FOCAD: variants seen among roughly 807,000 people sequenced by gnomAD.
FOCAD encodes KIAA1797.
Under a neutral mutation model 225.6 loss-of-function variants are expected in FOCAD, and 198 were observed. The observed-to-expected ratio is 0.88, with a 90% CI of 0.78 to 0.99. The LOEUF is 0.99. Ranked by LOEUF, FOCAD falls within the 50% of genes least tolerant of loss-of-function variation. FOCAD has a pLI of 0.00. For synonymous variants in FOCAD, 897 were observed against 755.0 expected (o/e 1.19, Z -3.08); for missense variants, 2,713 against 2,123.6 (o/e 1.28, Z -5.46).
chr9:20,789,715 G>A (rs1295727269), intron 11 of FOCAD, 107 bp downstream of exon 11: 2 of 1,356,848 alleles, frequency 1.5e-6, no homozygotes, highest in African/African-American at 1.5e-5. Context: ...TAAATTATGG[G>A]TTGATGATTT....
intron 15 of FOCAD, among the ~76,000 whole-genome samples, chr9:20,833,631 A>C (rs1448858100): frequency 6.6e-6 from 1 of 152,022 alleles, no homozygotes; most frequent in Non-Finnish European, 1.5e-5. Flanking sequence ...CATCTGCCTG[A>C]CCCAAGTAGT....
intron 9 of FOCAD, among the ~76,000 whole-genome samples, chr9:20,779,750 C>CA (rs35585761): frequency 0.016 from 2,060 of 128,254 alleles, 54 homozygotes; most frequent in Admixed American, 0.084. Flanking sequence ...AACTCCGTCT[C>CA]AAAAAAAAAA....
At chr9:20,964,230 G>A (rs140933822) in intron 35 of FOCAD, among the ~76,000 whole-genome samples, 1 of 152,044 alleles carries the variant, frequency 6.6e-6, no homozygotes, top group East Asian at 1.9e-4. Context: ...AGCCAGGTAT[G>A]GTGGTGCACA....
intron 21 of FOCAD, among the ~76,000 whole-genome samples, chr9:20,895,081 T>C (rs1039038352): frequency 9.2e-5 from 14 of 152,032 alleles, no homozygotes; most frequent in Non-Finnish European, 2.9e-5. Flanking sequence ...GTTGAGAAGA[T>C]TATCCTTTCT....
intron 5 of FOCAD, among the ~76,000 whole-genome samples, chr9:20,740,938 C>G (rs947387192): frequency 6.6e-6 from 1 of 152,084 alleles, no homozygotes; most frequent in South Asian, 2.1e-4. Flanking sequence ...GTGAAGGTGA[C>G]CTTACCTATT....
chr9:20,858,276 G>A (rs1828411076), intron 15 of FOCAD, among the ~76,000 whole-genome samples: 1 of 151,948 alleles, frequency 6.6e-6, no homozygotes, highest in Non-Finnish European at 1.5e-5. Context: ...ACTTTTTATT[G>A]GCCGATTAAG....
intron 35 of FOCAD, among the ~76,000 whole-genome samples, chr9:20,955,685 C>G (rs1258602805): frequency 6.6e-6 from 1 of 152,090 alleles, no homozygotes; most frequent in African/African-American, 2.4e-5. Context: ...TGCTCATCAT[C>G]TAATTCCTCC....
At chr9:20,726,489 T>C (rs551186721) in intron 4 of FOCAD, 1 of 152,324 alleles carries the variant, frequency 6.6e-6, no homozygotes, top group African/African-American at 2.4e-5. Flanking sequence ...ATGCCTTTTG[T>C]GCTCTCAGAC....
upstream of FOCAD, chr9:20,683,324 T>TC (rs1822463325): frequency 2.0e-5 from 3 of 152,216 alleles, no homozygotes; most frequent in South Asian, 6.2e-4. Context: ...TTTTATTTTT[T>TC]CCTAAGGGTG....
intron 11 of FOCAD, among the ~76,000 whole-genome samples, chr9:20,804,357 T>A (rs1314640870): frequency 6.6e-6 from 1 of 152,082 alleles, no homozygotes; most frequent in Non-Finnish European, 1.5e-5. Context: ...TTTTGGTGCC[T>A]GTTTTAAAGC....
At chr9:20,762,021 G>T (rs771460955) in intron 6 of FOCAD, among the ~76,000 whole-genome samples, 11 of 152,194 alleles carry the variant, frequency 7.2e-5, no homozygotes, top group Non-Finnish European at 1.5e-4. Flanking sequence ...CCTTAAGGAA[G>T]TTCAACGTTT....
intron 15 of FOCAD, among the ~76,000 whole-genome samples, chr9:20,826,915 A>T (rs185515759): frequency 6.6e-6 from 1 of 152,080 alleles, no homozygotes; most frequent in African/African-American, 2.4e-5. Flanking sequence ...TATCTTTTCC[A>T]TTGAGCTTTC....
intron 11 of FOCAD, among the ~76,000 whole-genome samples, chr9:20,817,422 A>C (rs62560483): frequency 0.2 from 31,062 of 151,784 alleles, 3,415 homozygotes; most frequent in South Asian, 0.33. Context: ...CCACTAATCT[A>C]CCTTCTATCT....
At chr9:20,938,806 C>T (rs7389249) in intron 28 of FOCAD, among the ~76,000 whole-genome samples, 106,647 of 151,770 alleles carry the variant, frequency 0.7, 37,835 homozygotes, top group East Asian at 0.94. Flanking sequence ...ATATTATGTA[C>T]ATGAACTTTA....
At chr9:20,839,185 TTATTCCAGGTGTGGATTGTTATAAGG>T (rs1286431597) in intron 15 of FOCAD, among the ~76,000 whole-genome samples, 1 of 152,066 alleles carries the variant, frequency 6.6e-6, no homozygotes, top group Non-Finnish European at 1.5e-5. Flanking sequence ...TTAGCCATGC[TTATTCCAGGTGTGGATTGTTATAAGG>T]TTTATGTGAG....
chr9:20,946,871 T>C (rs1183422766), intron 30 of FOCAD, 51 bp downstream of exon 30: 1 of 1,602,666 alleles, frequency 6.2e-7, no homozygotes, highest in East Asian at 2.2e-5. Flanking sequence ...ATGCTGCTGC[T>C]AAGTTTTGCT....
At chr9:20,667,383 C>A (rs1383315693) in intron 2 of FOCAD, among the ~76,000 whole-genome samples, 2 of 152,188 alleles carry the variant, frequency 1.3e-5, no homozygotes. Context: ...AAAGCAAAGT[C>A]TACAAATGCA....
At chr9:20,757,011 C>T (rs924552257) in intron 5 of FOCAD, among the ~76,000 whole-genome samples, 1 of 152,094 alleles carries the variant, frequency 6.6e-6, no homozygotes, top group Non-Finnish European at 1.5e-5. Flanking sequence ...TTCACCGCAA[C>T]CTCCGCCTCC....
chr9:20,846,988 T>C (rs1023372654), intron 15 of FOCAD, among the ~76,000 whole-genome samples: 2 of 152,154 alleles, frequency 1.3e-5, no homozygotes, highest in South Asian at 4.1e-4. Flanking sequence ...GGGCAAAGTT[T>C]GACCTAGATT....
Sources: allele counts gnomAD v4.1 joint callset (sites outside exome capture counted in the v4.1 genomes callset), GRCh38; gene constraint gnomAD v4.1.1; transcripts MANE v1.5; gene names NCBI Gene and HGNC (gene_info 2026-07-23, HGNC 2026-07-21).